The following RANBP17 variants were observed in gnomAD, a reference collection of about 807,000 sequenced individuals.
RANBP17 encodes the protein ran-binding protein 17.
A neutral mutation model predicts 141.2 loss-of-function variants in RANBP17; 158 were observed. That is an observed-to-expected ratio of 1.12 (90% CI 0.98 to 1.28). RANBP17 has a LOEUF of 1.28. Ranked by LOEUF, RANBP17 falls within the 50% of genes most tolerant of loss-of-function variation. The probability of loss-of-function intolerance (pLI) is 0.00; values close to 1 mark genes in which losing one functional copy is unlikely to be tolerated. For synonymous variants in RANBP17, 430 were observed against 450.0 expected (o/e 0.96, Z 0.56); for missense variants, 1,438 against 1,290.7 (o/e 1.11, Z -1.75).
chr5:171,155,094 A>AAAAAAAAAAAATATAT (rs34090443), intron 14 of RANBP17, among the ~76,000 whole-genome samples: 1 of 74,988 alleles, frequency 1.3e-5, no homozygotes, highest in Non-Finnish European at 2.5e-5. Context: ...AAAAAAAAAA[A>AAAAAAAAAAAATATAT]ATATATATAT....
intron 14 of RANBP17, among the ~76,000 whole-genome samples, chr5:171,118,261 G>A (rs1422968271): frequency 2.0e-5 from 3 of 152,100 alleles, no homozygotes; most frequent in African/African-American, 4.8e-5. Context: ...CCATCTTTCT[G>A]TTTGTATGCC....
chr5:171,086,829 T>C (rs1459641160), intron 14 of RANBP17, among the ~76,000 whole-genome samples: 2 of 147,804 alleles, frequency 1.4e-5, no homozygotes, highest in Non-Finnish European at 3.0e-5. Flanking sequence ...TCATTTTTTA[T>C]TGTGTCTATT....
Position 170,892,431 on chromosome 5 carries a change from C to G in RANBP17, c.301C>G (p.Pro101Ala). 3.1e-6 allele frequency: 5 copies of G among 1,613,542 alleles called. No individual in the cohort carries two copies. Among genetic ancestry groups the G allele is most frequent in the African/African-American group, 1.3e-5 (1 of 74,930 alleles). ...NYVASQPKLA[P>A]FVIQALIQVI... ...CGTGGCATCACAGCCCAAGCTGGCT[C>G]CCTTTGTCATCCAAGCTCTTATTCA... Residue 101 changes from proline (P) to alanine (A), a missense_variant, in exon 4 of 28, where the codon CCC (proline) becomes GCC (alanine). Transcript: ENST00000523189.
intron 1 of RANBP17, among the ~76,000 whole-genome samples, chr5:170,862,842 C>G (rs1766929226): frequency 6.6e-6 from 1 of 152,178 alleles, no homozygotes. Flanking sequence ...TCTTACTATC[C>G]TCGCCCTCAT....
chr5:170,891,563 C>T (rs901728424), intron 3 of RANBP17, among the ~76,000 whole-genome samples: 11 of 152,162 alleles, frequency 7.2e-5, no homozygotes, highest in African/African-American at 2.7e-4. Context: ...GCTCATGGTT[C>T]TGCAGGCTGT....
intron 21 of RANBP17, 64 bp from the exon 22 acceptor site, chr5:171,221,694 A>G: frequency 1.1e-6 from 1 of 891,902 alleles, no homozygotes. Flanking sequence ...AATCCTAGGC[A>G]TTTTAAATCT....
At chr5:171,272,286 CCT>C (rs1767170565) in intron 25 of RANBP17, among the ~76,000 whole-genome samples, 1 of 152,082 alleles carries the variant, frequency 6.6e-6, no homozygotes, top group African/African-American at 2.4e-5. Flanking sequence ...ACACCAGACC[CCT>C]GTGACATGTG....
chr5:171,220,857 T>C (rs1427846138), intron 21 of RANBP17, among the ~76,000 whole-genome samples: 1 of 152,246 alleles, frequency 6.6e-6, no homozygotes, highest in African/African-American at 2.4e-5. Flanking sequence ...GCAAATTATG[T>C]ATATGCATTT....
intron 14 of RANBP17, among the ~76,000 whole-genome samples, chr5:170,986,690 G>C (rs544375060): frequency 6.6e-6 from 1 of 151,752 alleles, no homozygotes. Flanking sequence ...AAACTTTCAA[G>C]CTTTATCTGT....
chr5:170,889,830 A>G (rs1401249215), intron 3 of RANBP17, among the ~76,000 whole-genome samples: 3 of 151,980 alleles, frequency 2.0e-5, no homozygotes, highest in Non-Finnish European at 2.9e-5. Flanking sequence ...GCTTTTCTCT[A>G]TTAATTGTAC....
chr5:170,905,142 T>C (rs1770974380), intron 5 of RANBP17, among the ~76,000 whole-genome samples: 1 of 152,180 alleles, frequency 6.6e-6, no homozygotes, highest in African/African-American at 2.4e-5. Context: ...TTTTACCCTG[T>C]ACAAGGGGAG....
At chr5:171,118,518 G>A (rs1468269388) in intron 14 of RANBP17, among the ~76,000 whole-genome samples, 1 of 151,982 alleles carries the variant, frequency 6.6e-6, no homozygotes, top group Non-Finnish European at 1.5e-5. Context: ...TAAGTCTTCT[G>A]ATCCATGAGC....
chr5:170,920,076 A>G (rs1772307459), intron 11 of RANBP17, among the ~76,000 whole-genome samples: 1 of 151,842 alleles, frequency 6.6e-6, no homozygotes. Flanking sequence ...TGGACTTTTG[A>G]GTTGTTTATG....
At chr5:171,039,276 T>G (rs532902846) in intron 14 of RANBP17, among the ~76,000 whole-genome samples, 100 of 146,658 alleles carry the variant, frequency 6.8e-4, no homozygotes, top group African/African-American at 2.3e-3. Flanking sequence ...TTTTTAATAA[T>G]AACTATTCTG....
At chr5:171,271,611 T>C (rs1171241552) in intron 25 of RANBP17, 1 of 208,896 alleles carries the variant, frequency 4.8e-6, no homozygotes, top group Admixed American at 5.9e-5. Context: ...AATATGCTCT[T>C]TATGTAACCC....
At chr5:170,933,796 T>G (rs570014591) in intron 12 of RANBP17, among the ~76,000 whole-genome samples, 2 of 152,320 alleles carry the variant, frequency 1.3e-5, no homozygotes, top group East Asian at 1.9e-4. Context: ...TTATAATTTC[T>G]GTTCTTTTAC....
chr5:171,262,957 C>G (rs538502193), intron 24 of RANBP17, among the ~76,000 whole-genome samples: 136 of 152,260 alleles, frequency 8.9e-4, no homozygotes, highest in Non-Finnish European at 1.7e-3. Flanking sequence ...CAAAACTTCC[C>G]TCTTTCTGTT....
At chr5:171,015,565 T>G (rs1328724228) in intron 14 of RANBP17, among the ~76,000 whole-genome samples, 1 of 152,186 alleles carries the variant, frequency 6.6e-6, no homozygotes, top group Non-Finnish European at 1.5e-5. Flanking sequence ...ATATTGGTTT[T>G]AATGTCTTTG....
At chr5:171,108,324 A>ATT (rs1754989260) in intron 14 of RANBP17, among the ~76,000 whole-genome samples, 1 of 152,164 alleles carries the variant, frequency 6.6e-6, no homozygotes, top group Non-Finnish European at 1.5e-5. Flanking sequence ...CATATGTCAA[A>ATT]TTTTACTAGA....
Sources: allele counts gnomAD v4.1 joint callset (sites outside exome capture counted in the v4.1 genomes callset), GRCh38; gene constraint gnomAD v4.1.1; transcripts MANE v1.5; gene names NCBI Gene and HGNC (gene_info 2026-07-23, HGNC 2026-07-21).